The following KCNQ4 variants were observed in gnomAD, a reference collection of about 807,000 sequenced individuals.
KCNQ4 encodes the protein potassium voltage-gated channel subfamily Q member 4.
Under a neutral mutation model 72.6 loss-of-function variants are expected in KCNQ4, and 31 were observed. The ratio of observed to expected loss-of-function variants is 0.43; its 90% confidence interval spans 0.32 to 0.58. The LOEUF (loss-of-function observed/expected upper bound fraction) is 0.58, where lower values mean the gene tolerates loss of function less well. Ranked by LOEUF, KCNQ4 falls within the 20% of genes least tolerant of loss-of-function variation. The pLI is 0.08. For synonymous variants in KCNQ4, 405 were observed against 403.7 expected (o/e 1.00, Z -0.04); for missense variants, 869 against 962.6 (o/e 0.90, Z 1.29).
chr1:40,821,310 A>G (rs1244127735), intron 7 of KCNQ4, among the ~76,000 whole-genome samples: 2 of 152,226 alleles, frequency 1.3e-5, no homozygotes, highest in African/African-American at 4.8e-5. Flanking sequence ...TTCCTGTCTT[A>G]GGAGGGTGCC....
Position 40,838,314 on chromosome 1 carries a change from C to A in KCNQ4, c.1879C>A (p.Gln627Lys). The change falls in exon 14 of 14, where the codon CAG (glutamine) becomes AAG (lysine). Residue 627 changes from glutamine to lysine, a missense_variant. Around this residue, in one of 5 missense-constraint regions of KCNQ4, gnomAD observed 480 missense variants for 501.9 expected, o/e 0.96. Coordinates refer to ENST00000347132, the MANE Select transcript of KCNQ4 (RefSeq NM_004700.4). ...GRVVKVEKQV[Q>K]SIEHKLDLLL... ...CCCAGCTGCGCCCCGTCCCCAGGTG[C>A]AGTCCATCGAGCACAAGCTGGACCT... 1 of 1,613,258 alleles carries A rather than the reference C, an allele frequency of 6.2e-7. No homozygotes were observed. The highest frequency in any genetic ancestry group is 8.5e-7 in the Non-Finnish European group (1 of 1,179,810).
At chr1:40,793,333 T>C (rs1300573143) in intron 1 of KCNQ4, among the ~76,000 whole-genome samples, 1 of 152,160 alleles carries the variant, frequency 6.6e-6, no homozygotes, top group East Asian at 1.9e-4. Context: ...CAAACCTGCC[T>C]CTGTGGCTTT....
rs767647871 is a variant in KCNQ4, at chr1:40,816,516, G to A, written c.315-749G>A. ...TCTTCCTCTTCGGGCCTGTTTCCTC[G>A]TGGTGCACTGGGGGATGAGGGAAGT... On this transcript the variant is annotated intron_variant, in intron 1 of 13. Transcript: ENST00000347132. 9.9e-4 allele frequency among the ~76,000 whole-genome samples: 150 copies of A among 152,138 alleles called. 2 individuals are homozygous for A. Among genetic ancestry groups the A allele is most frequent in the Non-Finnish European group, 1.9e-3 (131 of 68,018 alleles).
chr1:40,818,285 T>A lies in KCNQ4; in HGVS notation c.527T>A (p.Val176Asp). Residue 176 changes from valine to aspartate, a missense_variant, in exon 3 of 14, where the codon GTC (valine) becomes GAC (aspartate). Coordinates refer to ENST00000347132, the MANE Select transcript of KCNQ4 (RefSeq NM_004700.4). Reference protein sequence around the residue: ...RFRFARKPFCVIDFIVFVASV... With the variant: ...RFRFARKPFCDIDFIVFVASV... ...CGCTTTGCCAGAAAGCCCTTCTGTGTCATCGGTAATGAGGCGCGCCCCGCC... is the reference window on the plus strand; with the variant it reads ...CGCTTTGCCAGAAAGCCCTTCTGTGACATCGGTAATGAGGCGCGCCCCGCC... 1 of 1,613,808 alleles carries A rather than the reference T, an allele frequency of 6.2e-7. No homozygotes were observed. Among genetic ancestry groups the A allele is most frequent in the Non-Finnish European group, 8.5e-7 (1 of 1,180,012 alleles).
intron 1 of KCNQ4, among the ~76,000 whole-genome samples, chr1:40,797,842 G>A (rs1488142700): frequency 6.6e-6 from 1 of 152,164 alleles, no homozygotes; most frequent in Non-Finnish European, 1.5e-5. Flanking sequence ...CTTGGGGGGA[G>A]ATGTGTGTGG....
chr1:40,823,296 C>T (rs998090785), intron 8 of KCNQ4, among the ~76,000 whole-genome samples: 3 of 152,148 alleles, frequency 2.0e-5, no homozygotes, highest in African/African-American at 4.8e-5. Flanking sequence ...TCTCTCCACC[C>T]GGCAGAGGCA....
chr1:40,795,753 G>A (rs1191934006), intron 1 of KCNQ4, among the ~76,000 whole-genome samples: 1 of 151,832 alleles, frequency 6.6e-6, no homozygotes, highest in Non-Finnish European at 1.5e-5. Flanking sequence ...CTGTCCTCAG[G>A]CTCCCCTGGA....
At position 40,818,501 on chromosome 1, in the gene KCNQ4, G is replaced by C. The variant is rs920388540; in HGVS notation, c.533-4G>C. On this transcript the variant is annotated splice_polypyrimidine_tract_variant and splice_region_variant and intron_variant, in intron 3 of 13. Transcript: ENST00000347132. Reference sequence around the variant, plus strand: ...CTGTGATCTCGCCGCCCCCGCCCCTGCAGACTTCATCGTGTTCGTGGCCTC... The same window carrying C: ...CTGTGATCTCGCCGCCCCCGCCCCTCCAGACTTCATCGTGTTCGTGGCCTC... The C allele has an allele frequency of 1.2e-6, 2 of 1,600,840 alleles. No homozygotes were observed. The highest frequency in any genetic ancestry group is 1.7e-6 in the Non-Finnish European group (2 of 1,179,816).
chr1:40,808,378 G>C (rs748470391), intron 1 of KCNQ4, among the ~76,000 whole-genome samples: 3 of 152,202 alleles, frequency 2.0e-5, no homozygotes, highest in Non-Finnish European at 2.9e-5. Flanking sequence ...AAATGCATGT[G>C]TTGAGTGCCT....
intron 11 of KCNQ4, 41 bp downstream of exon 11, chr1:40,833,154 C>G: frequency 6.9e-7 from 1 of 1,442,630 alleles, no homozygotes; most frequent in African/African-American, 1.4e-5. Context: ...CTCCGTGTGC[C>G]ACCCACTGCT....
intron 1 of KCNQ4, among the ~76,000 whole-genome samples, chr1:40,793,709 G>C (rs1349388434): frequency 6.6e-6 from 1 of 152,144 alleles, no homozygotes; most frequent in Non-Finnish European, 1.5e-5. Flanking sequence ...GTGTCCCAAA[G>C]CATTGCGCTG....
chr1:40,793,870 C>T (rs1647337877), intron 1 of KCNQ4, among the ~76,000 whole-genome samples: 1 of 152,176 alleles, frequency 6.6e-6, no homozygotes, highest in Non-Finnish European at 1.5e-5. Flanking sequence ...CCCCCAGGCT[C>T]AACTGAGGGC....
intron 8 of KCNQ4, among the ~76,000 whole-genome samples, chr1:40,822,742 TGG>T (rs1234121842): frequency 2.0e-5 from 3 of 152,176 alleles, no homozygotes; most frequent in Non-Finnish European, 4.4e-5. Context: ...CAGTCCTGAA[TGG>T]GGGACAGAGT....
At position 40,785,841 on chromosome 1, in the gene KCNQ4, A is replaced by C. The variant is rs989720046; in HGVS notation, c.314+1434A>C. The stretch of plus-strand genomic sequence containing the variant: ...AGAAAGATGCGGCACAGGGAGGGGC[A>C]GGGGGGGAAGACAGCAGGGCTCTCT... On this transcript the variant is annotated intron_variant, in intron 1 of 13. Transcript: ENST00000347132. Among the ~76,000 whole-genome samples, 6 of 151,340 alleles carry C rather than the reference A, an allele frequency of 4.0e-5. No homozygotes were observed. In the East Asian group the frequency reaches 1.2e-3, roughly 29 times the overall value.
chr1:40,785,593 C>T (rs1443504570), intron 1 of KCNQ4, among the ~76,000 whole-genome samples: 1 of 152,072 alleles, frequency 6.6e-6, no homozygotes, highest in African/African-American at 2.4e-5. Context: ...TAACTGTCCG[C>T]AGTCCTTCTG....
intron 1 of KCNQ4, among the ~76,000 whole-genome samples, chr1:40,798,719 G>A (rs1197021598): frequency 6.6e-6 from 1 of 152,226 alleles, no homozygotes; most frequent in African/African-American, 2.4e-5. Context: ...ATCGTCAGCT[G>A]GGCAGGGTGT....
At chr1:40,809,996 C>T (rs888765345) in intron 1 of KCNQ4, among the ~76,000 whole-genome samples, 6 of 151,438 alleles carry the variant, frequency 4.0e-5, no homozygotes, top group African/African-American at 1.5e-4. Context: ...ACCCAGGAGG[C>T]GGAGGTTGCA....
Position 40,817,136 on chromosome 1 carries a change from A to T in KCNQ4, c.315-129A>T. The T allele has an allele frequency of 2.6e-6, 2 of 777,002 alleles. No homozygotes were observed. The highest frequency in any genetic ancestry group is 4.4e-6 in the Non-Finnish European group (2 of 450,614). The allele number at this position is 777,002 out of a possible 1,614,324, so 48.1% of individuals were successfully genotyped here. ...AGAGCTGTAACTCCAGGGAATTCCAATTCTGATTTCCACATAATTTTCTGA... is the reference window on the plus strand; with the variant it reads ...AGAGCTGTAACTCCAGGGAATTCCATTTCTGATTTCCACATAATTTTCTGA... On this transcript the variant is annotated intron_variant, in intron 1 of 13. Transcript: ENST00000347132. This position sits in a 1 kb window ranked among gnomAD's most constrained non-coding sequence, Gnocchi z 5.5.
At chr1:40,792,972 G>T (rs1172472074) in intron 1 of KCNQ4, among the ~76,000 whole-genome samples, 3 of 149,492 alleles carry the variant, frequency 2.0e-5, no homozygotes, top group African/African-American at 4.9e-5. Flanking sequence ...AGGGGCCCCT[G>T]TGGGCCCTTC....
Sources: gnomAD v4.1 joint callset for allele counts (sites outside exome capture counted in the v4.1 genomes callset) on GRCh38, gnomAD v4.1.1 for gene constraint, gnomAD v4.1.1 regional missense constraint, Gnocchi (gnomAD v3.1) non-coding constraint, MANE v1.5 for transcripts, NCBI Gene and HGNC (gene_info 2026-07-23, HGNC 2026-07-21) for gene names.